The following BLK variants were observed in gnomAD, a reference collection of about 807,000 sequenced individuals.
The protein encoded by BLK is tyrosine-protein kinase Blk.
In BLK, 64 loss-of-function variants were observed where a neutral mutation model predicts 61.8. The observed-to-expected ratio is 1.03, with a 90% confidence interval of 0.85 to 1.27. The LOEUF (loss-of-function observed/expected upper bound fraction) is 1.27, where lower values mean the gene tolerates loss of function less well. Ranked by LOEUF, BLK falls within the 50% of genes most tolerant of loss-of-function variation. The probability of loss-of-function intolerance (pLI) is 0.00; values close to 1 mark genes in which losing one functional copy is unlikely to be tolerated. For synonymous variants in BLK, 351 were observed against 272.0 expected, an observed-to-expected ratio of 1.29 and a Z score of -2.86; for missense variants, 853 against 660.5, an observed-to-expected ratio of 1.29 and a Z score of -3.19.
At chr8:11,561,835 T>TG (rs891679208) in intron 11 of BLK, among the ~76,000 whole-genome samples, 17 of 151,964 alleles carry the variant, frequency 1.1e-4, no homozygotes, top group Non-Finnish European at 1.8e-4. Context: ...TATTTTTTTT[T>TG]TTTTTGAGAT....
chr8:11,545,615 T>C, intron 2 of BLK: 1 of 244,228 alleles, frequency 4.1e-6, no homozygotes, highest in Non-Finnish European at 8.2e-6. Context: ...CCTTGTACAC[T>C]CTTGTACACA....
In BLK at chr8:11,564,354, C is replaced by T; in HGVS notation, c.*246C>T. 1.4e-6 allele frequency: 1 copy of T among 693,378 alleles called. No individual in the cohort carries two copies. The highest frequency in any genetic ancestry group is 2.6e-6 in the Non-Finnish European group (1 of 380,004). The allele number at this position is 693,378 out of a possible 1,614,324, so 43.0% of individuals were successfully genotyped here. ...AGAGGGCTGTAACAGTGACCTCGCACGGTCATCCGGAGTACTAAGCCCCAG... is the reference window on the plus strand; with the variant it reads ...AGAGGGCTGTAACAGTGACCTCGCATGGTCATCCGGAGTACTAAGCCCCAG... On this transcript the variant is annotated 3_prime_UTR_variant, in exon 13 of 13. Coordinates refer to ENST00000259089, the MANE Select transcript of BLK (RefSeq NM_001715.3).
At chr8:11,558,414 C>T in intron 10 of BLK, 1 of 363,256 alleles carries the variant, frequency 2.8e-6, no homozygotes, top group Non-Finnish European at 5.4e-6. Context: ...GACCTCATCT[C>T]TTCCTTAGAT....
At chr8:11,526,763 A>G (rs1440483669) in intron 1 of BLK, among the ~76,000 whole-genome samples, 1 of 150,984 alleles carries the variant, frequency 6.6e-6, no homozygotes, top group African/African-American at 2.4e-5. Context: ...TGCTTATATA[A>G]TTTTACTGTG....
intron 8 of BLK, chr8:11,556,222 G>A (rs1313537351): frequency 1.7e-5 from 5 of 295,766 alleles, no homozygotes; most frequent in Non-Finnish European, 2.6e-5. Context: ...TTAAGGAGTG[G>A]GACAGGATCG....
chr8:11,526,173 A>G (rs755374446), intron 1 of BLK, among the ~76,000 whole-genome samples: 2 of 152,216 alleles, frequency 1.3e-5, no homozygotes, highest in Non-Finnish European at 2.9e-5. Context: ...TGCAGAATGC[A>G]CTTCATCATG....
At chr8:11,533,422 G>C (rs1799974083) in intron 1 of BLK, among the ~76,000 whole-genome samples, 1 of 152,128 alleles carries the variant, frequency 6.6e-6, no homozygotes, top group Admixed American at 6.5e-5. Context: ...CAGCTCCAAA[G>C]GATTGAATGA....
At chr8:11,497,414 G>A (rs1798399641) in intron 1 of BLK, among the ~76,000 whole-genome samples, 1 of 152,068 alleles carries the variant, frequency 6.6e-6, no homozygotes, top group Admixed American at 6.6e-5. Context: ...GACGTCCAGG[G>A]CAGGTGCGAA....
At chr8:11,510,217 T>A (rs1247113562) in intron 1 of BLK, among the ~76,000 whole-genome samples, 1 of 152,214 alleles carries the variant, frequency 6.6e-6, no homozygotes, top group East Asian at 1.9e-4. Flanking sequence ...ATTTGGGGGC[T>A]GGCGTGGGGT....
chr8:11,525,150 G>C (rs2252797), intron 1 of BLK, among the ~76,000 whole-genome samples: 100,409 of 152,064 alleles, frequency 0.66, 33,682 homozygotes, highest in East Asian at 0.97. Context: ...CCTCTTTCGT[G>C]CTGACCCTTG....
At chr8:11,528,360 T>A (rs142072950) in intron 1 of BLK, among the ~76,000 whole-genome samples, 2 of 152,320 alleles carry the variant, frequency 1.3e-5, no homozygotes, top group African/African-American at 2.4e-5. Flanking sequence ...TAAGTTAAAC[T>A]ATAAACTAAA....
At chr8:11,518,110 G>C (rs1054821999) in intron 1 of BLK, among the ~76,000 whole-genome samples, 10 of 152,162 alleles carry the variant, frequency 6.6e-5, no homozygotes, top group Admixed American at 1.3e-4. Context: ...AGGGTACGCA[G>C]TGGGTGAATA....
chr8:11,512,667 T>TTTGTTTGC (rs1225966296), intron 1 of BLK, among the ~76,000 whole-genome samples: 5 of 151,970 alleles, frequency 3.3e-5, no homozygotes, highest in Non-Finnish European at 5.9e-5. Context: ...TGTTTGTTTG[T>TTTGTTTGC]TTGTTTGTTT....
chr8:11,545,065 A>G (rs1428522582), intron 2 of BLK, among the ~76,000 whole-genome samples: 1 of 152,166 alleles, frequency 6.6e-6, no homozygotes, highest in Non-Finnish European at 1.5e-5. Flanking sequence ...TTCATTATTC[A>G]TGTTGTAAAC....
At chr8:11,494,950 G>C (rs1206693208) in intron 1 of BLK, among the ~76,000 whole-genome samples, 1 of 152,234 alleles carries the variant, frequency 6.6e-6, no homozygotes, top group Non-Finnish European at 1.5e-5. Flanking sequence ...CTCTTGATAG[G>C]AGGTGATATT....
chr8:11,516,267 A>G (rs1467199884), intron 1 of BLK, among the ~76,000 whole-genome samples: 2 of 152,206 alleles, frequency 1.3e-5, no homozygotes, highest in Admixed American at 6.5e-5. Flanking sequence ...TTTCTCACTG[A>G]CAGCCACAGT....
chr8:11,503,422 C>T (rs117596252), intron 1 of BLK, among the ~76,000 whole-genome samples: 9 of 152,222 alleles, frequency 5.9e-5, no homozygotes, highest in East Asian at 1.9e-4. Flanking sequence ...CACACCCAGA[C>T]GACTAGTAAC....
chr8:11,516,239 G>A (rs936308873), intron 1 of BLK, among the ~76,000 whole-genome samples: 1 of 152,204 alleles, frequency 6.6e-6, no homozygotes, highest in East Asian at 1.9e-4. Context: ...TAGAACGGGG[G>A]TGCGAGAGCC....
At chr8:11,512,495 T>C (rs1009336519) in intron 1 of BLK, among the ~76,000 whole-genome samples, 6 of 152,210 alleles carry the variant, frequency 3.9e-5, no homozygotes, top group Non-Finnish European at 5.9e-5. Context: ...TCAACAGAGA[T>C]TTTTACATGG....
Sources: allele counts gnomAD v4.1 joint callset (sites outside exome capture counted in the v4.1 genomes callset), GRCh38; gene constraint gnomAD v4.1.1; transcripts MANE v1.5; gene names NCBI Gene and HGNC (gene_info 2026-07-23, HGNC 2026-07-21).